SAMSN1: variants seen among roughly 807,000 people sequenced by gnomAD.
SAMSN1 encodes the protein SAM domain-containing protein SAMSN-1.
In SAMSN1, 31 loss-of-function variants were observed where a neutral mutation model predicts 42.0. The ratio of observed to expected loss-of-function variants is 0.74; its 90% confidence interval spans 0.55 to 1.00. The LOEUF is 1.00. Among genes scored for constraint, SAMSN1 ranks in the 50% least tolerant of loss-of-function variants. The pLI, the probability that SAMSN1 is intolerant of heterozygous loss-of-function variation, is 0.00. For synonymous variants in SAMSN1, 178 were observed against 151.9 expected, an observed-to-expected ratio of 1.17 and a Z score of -1.26; for missense variants, 464 against 439.4, an observed-to-expected ratio of 1.06 and a Z score of -0.50.
intron 2 of SAMSN1, among the ~76,000 whole-genome samples, chr21:14,637,170 ATTTAAT>A (rs1471548092): frequency 1.3e-5 from 2 of 152,194 alleles, no homozygotes; most frequent in African/African-American, 4.8e-5. Context: ...TTTTAATTTA[ATTTAAT>A]TTTAATTTTA....
intron 6 of SAMSN1, among the ~76,000 whole-genome samples, chr21:14,595,223 T>TA (rs1982223630): frequency 6.6e-6 from 1 of 152,074 alleles, no homozygotes; most frequent in South Asian, 2.1e-4. Flanking sequence ...CAGGAACACT[T>TA]ACACAAATTA....
At chr21:14,637,956 A>T (rs1983506014) in intron 2 of SAMSN1, among the ~76,000 whole-genome samples, 1 of 152,110 alleles carries the variant, frequency 6.6e-6, no homozygotes, top group African/African-American at 2.4e-5. Flanking sequence ...TTTTGGTTTG[A>T]GTGTAGTGAC....
chr21:14,503,883 G>T (rs1179025633), intron 5 of SAMSN1, among the ~76,000 whole-genome samples: 1 of 152,148 alleles, frequency 6.6e-6, no homozygotes, highest in African/African-American at 2.4e-5. Flanking sequence ...TAAATACCGT[G>T]CTGGCATCCA....
upstream of SAMSN1, among the ~76,000 whole-genome samples, chr21:14,585,873 A>C (rs1379003748): frequency 2.0e-5 from 3 of 152,182 alleles, no homozygotes; most frequent in Non-Finnish European, 4.4e-5. Context: ...TCCTCTTGTT[A>C]ATAGGTACTA....
At chr21:14,524,046 G>C (rs956694634) in intron 1 of SAMSN1, among the ~76,000 whole-genome samples, 2 of 152,052 alleles carry the variant, frequency 1.3e-5, no homozygotes, top group Non-Finnish European at 2.9e-5. Flanking sequence ...ATTTATATTT[G>C]TTCATTATTC....
At chr21:14,645,654 C>G (rs1412287561) in intron 1 of SAMSN1, among the ~76,000 whole-genome samples, 1 of 152,112 alleles carries the variant, frequency 6.6e-6, no homozygotes, top group Non-Finnish European at 1.5e-5. Flanking sequence ...CAGGACCTCA[C>G]CAACTAAACT....
intron 2 of SAMSN1, among the ~76,000 whole-genome samples, chr21:14,551,811 G>A (rs929132101): frequency 2.0e-5 from 3 of 151,994 alleles, no homozygotes; most frequent in Non-Finnish European, 2.9e-5. Flanking sequence ...ATCATTCTCA[G>A]CTTCCTGGTG....
chr21:14,506,913 C>T (rs767500839), intron 5 of SAMSN1, among the ~76,000 whole-genome samples: 11 of 152,116 alleles, frequency 7.2e-5, no homozygotes, highest in Non-Finnish European at 1.5e-4. Flanking sequence ...AAATGTGATA[C>T]ACCACATAAA....
intron 2 of SAMSN1, among the ~76,000 whole-genome samples, chr21:14,518,398 C>T (rs1198690603): frequency 6.6e-6 from 1 of 152,108 alleles, no homozygotes; most frequent in Non-Finnish European, 1.5e-5. Context: ...AGAGCTGGCA[C>T]TTGATATTAT....
upstream of SAMSN1, among the ~76,000 whole-genome samples, chr21:14,584,904 A>C (rs1383245100): frequency 6.6e-6 from 1 of 152,236 alleles, no homozygotes; most frequent in African/African-American, 2.4e-5. Context: ...CAACATTTCC[A>C]ATCTTTATAC....
chr21:14,645,899 C>T (rs1481227819), intron 1 of SAMSN1, among the ~76,000 whole-genome samples: 1 of 152,032 alleles, frequency 6.6e-6, no homozygotes. Context: ...CCTTTAATAG[C>T]AGAATGTATA....
rs191396515 is a variant in SAMSN1, at chr21:14,568,772, T to C, written c.261+13364A>G. Among the ~76,000 whole-genome samples, 182 of 152,288 alleles carry C rather than the reference T, an allele frequency of 1.2e-3. 2 individuals carry two copies. Among genetic ancestry groups the C allele is most frequent in the Non-Finnish European group, 2.3e-3 (159 of 68,024 alleles). On this transcript the variant is annotated intron_variant, in intron 2 of 8. Transcript: ENST00000285670. ...TTCTCCACTGAAACTAACTTTGCTA[T>C]CCAGTGTTAAAAGGGAATCTAGTGT...
chr21:14,603,246 T>A (rs1982481583), intron 5 of SAMSN1, among the ~76,000 whole-genome samples: 1 of 152,184 alleles, frequency 6.6e-6, no homozygotes, highest in Admixed American at 6.5e-5. Flanking sequence ...GAATTTTGAA[T>A]GACTCCTTCT....
At chr21:14,506,676 C>T (rs1987423964) in intron 5 of SAMSN1, among the ~76,000 whole-genome samples, 1 of 152,130 alleles carries the variant, frequency 6.6e-6, no homozygotes, top group African/African-American at 2.4e-5. Context: ...AGAAGGAACC[C>T]TCCCTACATC....
At chr21:14,548,277 T>G (rs1326298783), upstream of SAMSN1, among the ~76,000 whole-genome samples, 1 of 152,162 alleles carries the variant, frequency 6.6e-6, no homozygotes, top group Admixed American at 6.6e-5. Context: ...ATAAAGGACA[T>G]ACTTATTAGA....
chr21:14,518,987 A>G (rs1436051513), intron 2 of SAMSN1, among the ~76,000 whole-genome samples: 2 of 152,198 alleles, frequency 1.3e-5, no homozygotes. Context: ...TGTACCACAC[A>G]TATTTTTCAG....
chr21:14,582,363 G>T, exon 2 of SAMSN1: 1 of 1,549,874 alleles, frequency 6.5e-7, no homozygotes, highest in Non-Finnish European at 8.7e-7. Context: ...GATCTACCCA[G>T]TGATGCAGAA....
intron 1 of SAMSN1, among the ~76,000 whole-genome samples, chr21:14,655,624 GC>G (rs1217211857): frequency 4.0e-5 from 6 of 151,626 alleles, no homozygotes; most frequent in Non-Finnish European, 8.9e-5. Context: ...CAAAATCTTA[GC>G]AAATTGGGAA....
At chr21:14,574,890 TAAAA>T (rs1215935380) in intron 2 of SAMSN1, among the ~76,000 whole-genome samples, 2 of 152,156 alleles carry the variant, frequency 1.3e-5, no homozygotes, top group African/African-American at 4.8e-5. Context: ...CTTTATCTAA[TAAAA>T]AATGTGTTTG....
Sources: gnomAD v4.1 joint callset for allele counts (sites outside exome capture counted in the v4.1 genomes callset) on GRCh38, gnomAD v4.1.1 for gene constraint, MANE v1.5 for transcripts, NCBI Gene and HGNC (gene_info 2026-07-23, HGNC 2026-07-21) for gene names.